LRRK1: variants seen among roughly 807,000 people sequenced by gnomAD.
LRRK1 encodes the protein leucine rich repeat kinase 1.
Under a neutral mutation model 209.1 loss-of-function variants are expected in LRRK1, and 113 were observed. That is an observed-to-expected ratio of 0.54 (90% CI 0.46 to 0.63). The LOEUF is 0.63. LRRK1 is among the 30% of genes least tolerant of loss of function. LRRK1 has a pLI of 0.00. For synonymous variants in LRRK1, 1,144 were observed against 1,099.7 expected (o/e 1.04, Z -0.80); for missense variants, 2,284 against 2,632.2 (o/e 0.87, Z 2.89).
At chr15:101,032,486 C>T (rs1401966708) in intron 20 of LRRK1, among the ~76,000 whole-genome samples, 1 of 148,906 alleles carries the variant, frequency 6.7e-6, no homozygotes, top group African/African-American at 2.5e-5. Flanking sequence ...TATTTTCTCC[C>T]AGTCTGTGAC....
At chr15:100,970,598 G>T (rs571444506) in intron 2 of LRRK1, among the ~76,000 whole-genome samples, 1 of 152,138 alleles carries the variant, frequency 6.6e-6, no homozygotes, top group Non-Finnish European at 1.5e-5. Context: ...TCCAAGTCTT[G>T]AAATCAGGTA....
In LRRK1 at chr15:101,074,087, C is replaced by G. The variant is rs947751471; in HGVS notation, c.*5239C>G. The G allele has an allele frequency of 6.6e-6, 1 of 152,162 alleles. No individual in the cohort carries two copies. Among genetic ancestry groups the G allele is most frequent in the Non-Finnish European group, 1.5e-5 (1 of 68,036 alleles). 9.4% of individuals were successfully genotyped at this position (152,162 alleles called of 1,614,324 possible). Reference sequence around the variant, plus strand: ...CATCAGTCCCTCCCTAGTCTCTGTTCCCAGTGCAACTCATCCCAAATCTTC... The same window carrying G: ...CATCAGTCCCTCCCTAGTCTCTGTTGCCAGTGCAACTCATCCCAAATCTTC... On this transcript the variant is annotated 3_prime_UTR_variant, in exon 34 of 34. Coordinates refer to ENST00000388948, the MANE Select transcript of LRRK1 (RefSeq NM_024652.6).
At position 101,024,090 on chromosome 15, in the gene LRRK1, C is replaced by T. The variant is rs1015885049; in HGVS notation, c.2068-713C>T. On this transcript the variant is annotated intron_variant, in intron 15 of 33. Coordinates refer to ENST00000388948, the MANE Select transcript of LRRK1 (RefSeq NM_024652.6). This position sits in a 1 kb window ranked among gnomAD's most constrained non-coding sequence, Gnocchi z 4.6. ...AACCCCCTACCCTTTAGTGGAAGGA[C>T]AATCCTGTGAAGGCTGAGCCCGCCG... is the stretch of plus-strand genomic sequence containing the variant. Among the ~76,000 whole-genome samples the T allele has an allele frequency of 1.2e-4, 19 of 152,112 alleles. No individual in the cohort carries two copies. The highest frequency in any genetic ancestry group is 4.1e-4 in the African/African-American group (17 of 41,426).
intron 7 of LRRK1, 40 bp from the exon 8 acceptor site, chr15:101,010,410 T>C (rs752602327): frequency 1.9e-6 from 3 of 1,581,252 alleles, no homozygotes; most frequent in African/African-American, 2.8e-5. Context: ...GTGTTTTCCC[T>C]CTTTATTCTG....
chr15:101,000,704 C>T (rs12908142), intron 6 of LRRK1, among the ~76,000 whole-genome samples: 18,416 of 152,224 alleles, frequency 0.12, 1,198 homozygotes, highest in African/African-American at 0.15. Flanking sequence ...ATCGTCTTCC[C>T]GTTGTCTGCC....
At chr15:101,067,170 G>T (rs1020742829) in intron 33 of LRRK1, 5 of 437,124 alleles carry the variant, frequency 1.1e-5, no homozygotes, top group African/African-American at 1.0e-4. Context: ...CTCCAAGCCT[G>T]GGGTCTCAGC....
intron 2 of LRRK1, among the ~76,000 whole-genome samples, chr15:100,971,064 C>T (rs549948327): frequency 1.3e-5 from 2 of 152,146 alleles, no homozygotes; most frequent in East Asian, 1.9e-4. Flanking sequence ...CCAGGCGCAG[C>T]GGCTCACGCC....
At position 100,975,672 on chromosome 15, in the gene LRRK1, A is replaced by G. The variant is rs969791524; in HGVS notation, c.261+1705A>G. 3.9e-5 allele frequency among the ~76,000 whole-genome samples: 6 copies of G among 152,254 alleles called. No homozygotes were observed. In the South Asian group the frequency reaches 1.2e-3, roughly 31 times the overall value. On this transcript the variant is annotated intron_variant, in intron 3 of 33. Coordinates refer to ENST00000388948, the MANE Select transcript of LRRK1 (RefSeq NM_024652.6). ...ATAGTTCCAAAAAATACCATAAATA[A>G]GAGTCAACGGTTGATGCAAAAGGAG...
chr15:101,042,470 C>T (rs78386566), intron 20 of LRRK1, among the ~76,000 whole-genome samples: 2,382 of 152,246 alleles, frequency 0.016, 33 homozygotes, highest in East Asian at 0.06. Flanking sequence ...TGCTCTGCTG[C>T]AGCCCAGGGG....
intron 20 of LRRK1, among the ~76,000 whole-genome samples, chr15:101,037,102 G>A (rs1181434718): frequency 1.3e-5 from 2 of 152,210 alleles, no homozygotes; most frequent in Non-Finnish European, 2.9e-5. Flanking sequence ...TTACTTGGAT[G>A]TTGGTAGTGG....
At chr15:100,958,625 CA>C (rs1370135973) in intron 2 of LRRK1, among the ~76,000 whole-genome samples, 2 of 152,154 alleles carry the variant, frequency 1.3e-5, no homozygotes, top group Non-Finnish European at 2.9e-5. Flanking sequence ...AGAGAGGGGC[CA>C]AATTTCTAAC....
chr15:100,948,480 C>T lies in LRRK1; in HGVS notation c.97+23751C>T, dbSNP rs561236986. On this transcript the variant is annotated intron_variant, in intron 2 of 33. Coordinates refer to ENST00000388948, the MANE Select transcript of LRRK1 (RefSeq NM_024652.6). ...TGCATTCTCTCCACCAATTAAAGAG[C>T]ATGTTTGTTTCCTCATATTAACCCT... 3.9e-5 allele frequency among the ~76,000 whole-genome samples: 6 copies of T among 152,352 alleles called. No homozygotes were observed. The South Asian group carries it at 1.2e-3, about 32-fold the overall frequency.
intron 29 of LRRK1, 49 bp from the exon 30 acceptor site, chr15:101,061,122 G>A: frequency 7.1e-7 from 1 of 1,404,600 alleles, no homozygotes; most frequent in South Asian, 1.2e-5. Flanking sequence ...GGGAAAGGAG[G>A]CAGCCCCTGG....
At chr15:101,007,232 T>A (rs1239793425) in intron 6 of LRRK1, among the ~76,000 whole-genome samples, 1 of 152,212 alleles carries the variant, frequency 6.6e-6, no homozygotes, top group Non-Finnish European at 1.5e-5. Flanking sequence ...TCGTAGCCTC[T>A]GCTTGTTACA....
At chr15:101,001,987 A>G (rs950141110) in intron 6 of LRRK1, among the ~76,000 whole-genome samples, 4 of 152,212 alleles carry the variant, frequency 2.6e-5, no homozygotes, top group Non-Finnish European at 5.9e-5. Flanking sequence ...ACCTGTGTGC[A>G]TATGTCACAG....
In LRRK1 at chr15:100,919,895, G is replaced by C. The variant is rs557616898; in HGVS notation, c.-123+444G>C. On this transcript the variant is annotated intron_variant, in intron 1 of 33. Transcript: ENST00000388948. This position sits in a 1 kb window ranked among gnomAD's most constrained non-coding sequence, Gnocchi z 5.8. ...AGCGGGGAGCGGGCGGAGTGTGAGCGCGCGGGTGAGCCCGTGCCGGGGTGT... is the reference window on the plus strand; with the variant it reads ...AGCGGGGAGCGGGCGGAGTGTGAGCCCGCGGGTGAGCCCGTGCCGGGGTGT... 20 of 152,586 alleles carry C rather than the reference G, an allele frequency of 1.3e-4. No individual in the cohort carries two copies. The highest frequency in any genetic ancestry group is 4.3e-4 in the African/African-American group (18 of 41,590). The allele number at this position is 152,586 out of a possible 1,614,324, so 9.5% of individuals were successfully genotyped here.
intron 6 of LRRK1, among the ~76,000 whole-genome samples, chr15:100,992,571 A>T (rs755068469): frequency 5.3e-5 from 8 of 152,236 alleles, no homozygotes; most frequent in Non-Finnish European, 7.3e-5. Context: ...TAGATTTTTT[A>T]AAATTACTTG....
At chr15:101,013,166 G>A (rs1338609634) in intron 10 of LRRK1, among the ~76,000 whole-genome samples, 2 of 152,160 alleles carry the variant, frequency 1.3e-5, no homozygotes, top group Non-Finnish European at 2.9e-5. Flanking sequence ...GTGGGTATGT[G>A]GGGGCTTGGG....
intron 4 of LRRK1, among the ~76,000 whole-genome samples, chr15:100,986,078 T>C (rs566741554): frequency 1.3e-5 from 2 of 151,944 alleles, no homozygotes; most frequent in Non-Finnish European, 1.5e-5. Context: ...TGGTGGCACA[T>C]GCCTATATTC....
Sources: gnomAD v4.1 joint callset for allele counts (sites outside exome capture counted in the v4.1 genomes callset) on GRCh38, gnomAD v4.1.1 for gene constraint, Gnocchi (gnomAD v3.1) non-coding constraint, MANE v1.5 for transcripts, NCBI Gene and HGNC (gene_info 2026-07-23, HGNC 2026-07-21) for gene names.